The following KIDINS220 variants were observed in gnomAD, a reference collection of about 807,000 sequenced individuals.
KIDINS220 encodes the protein kinase D-interacting substrate of 220 kDa.
A neutral mutation model predicts 157.6 loss-of-function variants in KIDINS220; 63 were observed. The ratio of observed to expected loss-of-function variants is 0.40; its 90% CI spans 0.33 to 0.49. The LOEUF (loss-of-function observed/expected upper bound fraction) is 0.49. Among genes scored for constraint, KIDINS220 ranks in the 20% least tolerant of loss-of-function variants. The pLI is 0.66. For missense variants in KIDINS220, 1,772 were observed against 2,171.2 expected, an observed-to-expected ratio of 0.82 and a Z score of 3.65; for synonymous variants, 732 against 783.6, an observed-to-expected ratio of 0.93 and a Z score of 1.10.
chr2:8,770,627 C>A (rs878996140), intron 22 of KIDINS220, 43 bp downstream of exon 22: 83 of 1,001,298 alleles, frequency 8.3e-5, no homozygotes, highest in Non-Finnish European at 9.3e-5. Context: ...TTTTTTAACT[C>A]AACCTAAAAT....
rs770819787 is a variant in KIDINS220, at chr2:8,786,379, A to C, written c.1788-22T>G. On this transcript the variant is annotated intron_variant, in intron 15 of 29. Coordinates refer to ENST00000256707, the MANE Select transcript of KIDINS220 (RefSeq NM_020738.4). ...AAACCTTGAAGAAAAGAACAAATCA[A>C]ACATTACTTTATTATCTAAAGTAAC... 1.1e-5 allele frequency: 17 copies of C among 1,586,972 alleles called. 1 individual carries two copies. In the South Asian group the frequency reaches 1.9e-4, roughly 18 times the overall value.
chr2:8,740,375 G>C (rs141624590), intron 26 of KIDINS220, among the ~76,000 whole-genome samples: 2 of 152,156 alleles, frequency 1.3e-5, no homozygotes, highest in Non-Finnish European at 2.9e-5. Flanking sequence ...AACCACAGTA[G>C]CTGCATTCCA....
chr2:8,760,870 CATG>C (rs1351955830), intron 22 of KIDINS220, among the ~76,000 whole-genome samples: 1 of 152,074 alleles, frequency 6.6e-6, no homozygotes, highest in Non-Finnish European at 1.5e-5. Flanking sequence ...TGTATTACTG[CATG>C]ATATTTACCC....
intron 4 of KIDINS220, among the ~76,000 whole-genome samples, chr2:8,816,774 C>A (rs1677139608): frequency 1.3e-5 from 2 of 152,338 alleles, no homozygotes; most frequent in Non-Finnish European, 2.9e-5. Context: ...TACTTAAGTT[C>A]TTTTTGGAAA....
intron 27 of KIDINS220, among the ~76,000 whole-genome samples, chr2:8,735,045 CT>C (rs906882584): frequency 2.6e-4 from 39 of 152,292 alleles, no homozygotes; most frequent in African/African-American, 9.4e-4. Flanking sequence ...AACAACAAAA[CT>C]GTTAGTTTTT....
chr2:8,800,914 A>T (rs7574969), intron 8 of KIDINS220, among the ~76,000 whole-genome samples: 9,717 of 152,208 alleles, frequency 0.064, 995 homozygotes, highest in African/African-American at 0.22. Flanking sequence ...CATGAATTCT[A>T]AAAAAACGGA....
Position 8,729,377 on chromosome 2 carries a change from G to A in KIDINS220, c.*1343C>T, listed in dbSNP as rs1334787686. ...TGAATCTAGATAATAGCGCATCTGC[G>A]ATCTCACCATCTACCGTCCTAACTG... On this transcript the variant is annotated 3_prime_UTR_variant, in exon 30 of 30. Coordinates refer to ENST00000256707, the MANE Select transcript of KIDINS220 (RefSeq NM_020738.4). 10 of 985,294 alleles carry A rather than the reference G, an allele frequency of 1.0e-5. No individual in the cohort carries two copies. The highest frequency in any genetic ancestry group is 6.2e-5 in the Admixed American group (1 of 16,260). 61.0% of individuals were successfully genotyped at this position (985,294 alleles called of 1,614,324 possible).
intron 22 of KIDINS220, among the ~76,000 whole-genome samples, chr2:8,755,315 T>C (rs972347138): frequency 3.3e-5 from 5 of 152,182 alleles, no homozygotes; most frequent in South Asian, 2.1e-4. Flanking sequence ...CCCCAGAGCA[T>C]ATATACTTTC....
intron 6 of KIDINS220, among the ~76,000 whole-genome samples, chr2:8,809,564 A>G (rs1675993952): frequency 6.6e-6 from 1 of 151,656 alleles, no homozygotes; most frequent in South Asian, 2.1e-4. Flanking sequence ...TTCCGTTACT[A>G]CTGATCTCAG....
In KIDINS220 at chr2:8,730,844, CT is replaced by C; in HGVS notation, c.5191del (p.Ser1731AlafsTer2). The C allele has an allele frequency of 6.2e-7, 1 of 1,614,216 alleles. No homozygotes were observed. The highest frequency in any genetic ancestry group is 8.5e-7 in the Non-Finnish European group (1 of 1,180,046). On this transcript the variant is annotated frameshift_variant, in exon 30 of 30. Transcript: ENST00000256707. LOFTEE classifies it low-confidence loss of function (END_TRUNC). The stretch of plus-strand genomic sequence containing the variant: ...ACGTTGGCTTCGCTTATGTGTCATG[CT>C]TTTTAGATTCTCATTCTGAATAGTG... ...PTTIQNENLKSMTHKRSQRSS... is the reference protein window; with the variant it reads ...PTTIQNENLKXMTHKRSQRSS...
chr2:8,742,306 G>A (rs111834944), intron 26 of KIDINS220, among the ~76,000 whole-genome samples: 2,677 of 148,890 alleles, frequency 0.018, 89 homozygotes, highest in African/African-American at 0.063. Flanking sequence ...TTGCTATGTT[G>A]CCTAGGCTGG....
At chr2:8,814,202 C>G (rs1202399874) in intron 4 of KIDINS220, among the ~76,000 whole-genome samples, 1 of 152,142 alleles carries the variant, frequency 6.6e-6, no homozygotes, top group African/African-American at 2.4e-5. Context: ...GTTCTACTTG[C>G]TAAGCTACAG....
chr2:8,728,044 T>C (rs1663519711), downstream of KIDINS220, among the ~76,000 whole-genome samples: 1 of 152,184 alleles, frequency 6.6e-6, no homozygotes, highest in Non-Finnish European at 1.5e-5. Flanking sequence ...CAAAATGGTA[T>C]ATAAAACACA....
rs1481918667 is a variant in KIDINS220, at chr2:8,778,834, T to C, written c.2614+62A>G. On this transcript the variant is annotated intron_variant, in intron 19 of 29. Transcript: ENST00000256707. ...ATATTTTTCAAGGTAAAAAGGAGAG[T>C]CGCCATAAAGAAACTACAAAACTAT... 10 of 1,601,014 alleles carry C rather than the reference T, an allele frequency of 6.2e-6. No homozygotes were observed. In the East Asian group the frequency reaches 1.6e-4, roughly 25 times the overall value.
intron 11 of KIDINS220, among the ~76,000 whole-genome samples, chr2:8,794,855 C>T (rs1036613330): frequency 6.6e-6 from 1 of 152,164 alleles, no homozygotes; most frequent in African/African-American, 2.4e-5. Context: ...CAAGGCACGA[C>T]CTTATCTTGA....
In KIDINS220 at chr2:8,788,672, G is replaced by T. The variant is rs1672764005; in HGVS notation, c.1762C>A (p.Gln588Lys). The T allele has an allele frequency of 6.2e-7, 1 of 1,614,108 alleles. No homozygotes were observed. ...CTCACAGGTAAAGCTTTAGTAGTCT[G>T]CTCTGGCAACTCAGGTGGATTCACA... ...MFVNPPELPE[Q>K]TTKALPVRFL... Residue 588 changes from glutamine to lysine, a missense_variant, in exon 15 of 30, where the codon CAG (glutamine) becomes AAG (lysine). By Grantham distance (53) the Gln-to-Lys change is moderately conservative (BLOSUM62 1). This residue lies in a region of KIDINS220 where 725 missense variants were observed against 1,017.1 expected (regional missense o/e 0.71). Coordinates refer to ENST00000256707, the MANE Select transcript of KIDINS220 (RefSeq NM_020738.4).
At chr2:8,740,578 T>C (rs184204422) in intron 26 of KIDINS220, among the ~76,000 whole-genome samples, 4 of 152,346 alleles carry the variant, frequency 2.6e-5, no homozygotes, top group African/African-American at 9.6e-5. Context: ...GCTTAGTTAC[T>C]TAGACTATCA....
chr2:8,732,023 G>T (rs1357050899), intron 29 of KIDINS220, 41 bp from the exon 30 acceptor site: 25 of 1,476,808 alleles, frequency 1.7e-5, no homozygotes, highest in Non-Finnish European at 2.1e-5. Context: ...ATTCAAATAA[G>T]AAGAAAAAAG....
At chr2:8,835,659 CAAAAAAAAA>C (rs56986834) in intron 1 of KIDINS220, among the ~76,000 whole-genome samples, 1 of 87,302 alleles carries the variant, frequency 1.1e-5, no homozygotes, top group African/African-American at 4.4e-5. Flanking sequence ...GACCCTGTCT[CAAAAAAAAA>C]AAAAAAAAAA....
Sources: gnomAD v4.1 joint callset for allele counts (sites outside exome capture counted in the v4.1 genomes callset) on GRCh38, gnomAD v4.1.1 for gene constraint, gnomAD v4.1.1 regional missense constraint, MANE v1.5 for transcripts, NCBI Gene and HGNC (gene_info 2026-07-23, HGNC 2026-07-21) for gene names.